SCARF2: variants seen among roughly 807,000 people sequenced by gnomAD.
SCARF2 encodes scavenger receptor class F member 2, also known as scavenger receptor expressed by endothelial cells 2 protein.
A neutral mutation model predicts 73.4 loss-of-function variants in SCARF2; 39 were observed. That is an observed-to-expected ratio of 0.53 (90% CI 0.41 to 0.69). The LOEUF is 0.69. Ranked by LOEUF, SCARF2 falls within the 30% of genes least tolerant of loss-of-function variation. The probability of loss-of-function intolerance (pLI) is 0.00; values close to 1 mark genes in which losing one functional copy is unlikely to be tolerated. For synonymous variants in SCARF2, 605 were observed against 590.0 expected (o/e 1.03, Z -0.37); for missense variants, 1,148 against 1,303.5 (o/e 0.88, Z 1.84).
intron 10 of SCARF2, among the ~76,000 whole-genome samples, chr22:20,426,810 C>T (rs938978150): frequency 6.6e-6 from 1 of 152,062 alleles, no homozygotes; most frequent in Non-Finnish European, 1.5e-5. Context: ...GCCTGTAATC[C>T]CAGCTACTCG....
At chr22:20,434,765 A>G (rs2052681813) in intron 1 of SCARF2, among the ~76,000 whole-genome samples, 1 of 152,176 alleles carries the variant, frequency 6.6e-6, no homozygotes, top group Non-Finnish European at 1.5e-5. Flanking sequence ...TAGTTCTGTG[A>G]TTCAAACCCA....
chr22:20,425,359 G>C lies in SCARF2; in HGVS notation c.*16C>G. The C allele has an allele frequency of 7.2e-7, 1 of 1,386,830 alleles. No homozygotes were observed. The highest frequency in any genetic ancestry group is 9.4e-7 in the Non-Finnish European group (1 of 1,064,610). 85.9% of individuals were successfully genotyped at this position (1,386,830 alleles called of 1,614,324 possible). On this transcript the variant is annotated 3_prime_UTR_variant, in exon 11 of 11. Coordinates refer to ENST00000622235, the MANE Select transcript of SCARF2 (RefSeq NM_182895.5). This position sits in a 1 kb window ranked among gnomAD's most constrained non-coding sequence, Gnocchi z 4.6. ...TGCGAAGCTGAGGGAGCTGCGCGCG[G>C]ACGAGCCACAGCCTGCTACAGGGTG...
In SCARF2 at chr22:20,430,477, T is replaced by C; in HGVS notation, c.1154A>G (p.Asp385Gly). Residue 385 changes from aspartate to glycine, a missense_variant, in exon 6 of 11, where the codon GAC (aspartate) becomes GGC (glycine). By Grantham distance (94) the Asp-to-Gly change is moderately conservative (BLOSUM62 -1). This residue lies in a region of SCARF2 where 372 missense variants were observed against 532.0 expected (regional missense o/e 0.70). Coordinates refer to ENST00000622235, the MANE Select transcript of SCARF2 (RefSeq NM_182895.5). The part of the protein sequence containing the change: ...VCADCGSGHC[D>G]FQSGRCLCSP... ...GCACAGGCAGCGCCCCGACTGGAAGTCGCAGTGTCCGCTGCCGCAGTCGGC... is the reference window on the plus strand; with the variant it reads ...GCACAGGCAGCGCCCCGACTGGAAGCCGCAGTGTCCGCTGCCGCAGTCGGC... The C allele has an allele frequency of 6.3e-7, 1 of 1,596,578 alleles. No homozygotes were observed. The highest frequency in any genetic ancestry group is 8.5e-7 in the Non-Finnish European group (1 of 1,172,596).
Position 20,427,380 on chromosome 22 carries a change from AG to A in SCARF2, c.1693+17del. ...ATTTCACTGGGCTGGAGTGATGCCC[AG>A]GTAGGGCCTTACTTACCCTCATGGG... On this transcript the variant is annotated intron_variant, in intron 10 of 10. Coordinates refer to ENST00000622235, the MANE Select transcript of SCARF2 (RefSeq NM_182895.5). 1.2e-6 allele frequency: 2 copies of A among 1,613,870 alleles called. No homozygotes were observed. The highest frequency in any genetic ancestry group is 1.7e-6 in the Non-Finnish European group (2 of 1,179,832).
In SCARF2 at chr22:20,425,436, G is replaced by T. The variant is rs2052561084; in HGVS notation, c.2540C>A (p.Pro847Gln). 7.0e-7 allele frequency: 1 copy of T among 1,427,314 alleles called. No individual in the cohort carries two copies. Among genetic ancestry groups the T allele is most frequent in the Non-Finnish European group, 9.2e-7 (1 of 1,088,452 alleles). 88.4% of individuals were successfully genotyped at this position (1,427,314 alleles called of 1,614,324 possible). ...CGCCGCCTCCCGGCTCTTCTTGCGC[G>T]GCGGCTTCTGGATGGGGGTCTTCTT... ...PRKKTPIQKP[P>Q]RKKSREAAGE... Residue 847 changes from proline (P) to glutamine (Q), a missense_variant, in exon 11 of 11, where the codon CCG (proline) becomes CAG (glutamine). Pro to Gln is a moderately conservative substitution (Grantham distance 76). Around this residue, in one of 5 missense-constraint regions of SCARF2, gnomAD observed 169 missense variants for 136.9 expected, o/e 1.23. Coordinates refer to ENST00000622235, the MANE Select transcript of SCARF2 (RefSeq NM_182895.5). The surrounding 1 kb of genome is among the most constrained non-coding windows in gnomAD (Gnocchi z 4.6).
intron 1 of SCARF2, 68 bp from the exon 2 acceptor site, chr22:20,432,056 CCGCAGCCTCCG>C: frequency 6.8e-7 from 1 of 1,474,056 alleles, no homozygotes; most frequent in Non-Finnish European, 9.3e-7. Flanking sequence ...CCGGGCTCCT[CCGCAGCCTCCG>C]CACAGCCTCC....
At chr22:20,430,352 G>A in intron 6 of SCARF2, 77 bp downstream of exon 6, 1 of 1,503,676 alleles carries the variant, frequency 6.7e-7, no homozygotes, top group Non-Finnish European at 9.0e-7. Context: ...TCAGGGTGGA[G>A]AGGCCACCTC....
rs536399554 is a variant in SCARF2, at chr22:20,428,347, G to T, written c.1541-797C>A. On this transcript the variant is annotated intron_variant, in intron 9 of 10. Transcript: ENST00000622235. The stretch of plus-strand genomic sequence containing the variant: ...TTGTTGCCCAGGCTGGAGTGCAATG[G>T]TGCGATCTCGGCTCACTGCAACCTC... Among the ~76,000 whole-genome samples the T allele has an allele frequency of 1.4e-4, 22 of 151,830 alleles. No homozygotes were observed. In the South Asian group the frequency reaches 4.4e-3, roughly 30 times the overall value.
rs1258074809 is a variant in SCARF2 at position 20,437,699 on chromosome 22, C to T, written c.56G>A (p.Gly19Glu). The T allele has an allele frequency of 2.1e-6, 3 of 1,455,802 alleles. No homozygotes were observed. Among genetic ancestry groups the T allele is most frequent in the African/African-American group, 1.5e-5 (1 of 67,450 alleles). The allele number at this position is 1,455,802 out of a possible 1,614,324, so 90.2% of individuals were successfully genotyped here. A position where few individuals can be genotyped will look rare whatever the true frequency, so the allele number is the denominator to read the frequency against. ...AGPARRRGAG[G>E]PPSPLLPSLL... Reference sequence around the variant, plus strand: ...CGACGGCAGCAGCGGTGACGGCGGCCCCCCGGCTCCCCGGCGCCGCGCCGG... The same window carrying T: ...CGACGGCAGCAGCGGTGACGGCGGCTCCCCGGCTCCCCGGCGCCGCGCCGG... Residue 19 changes from glycine to glutamate, a missense_variant, in exon 1 of 11, where the codon GGG (glycine) becomes GAG (glutamate). Gly to Glu is a moderately conservative substitution (Grantham distance 98). Coordinates refer to ENST00000622235, the MANE Select transcript of SCARF2 (RefSeq NM_182895.5).
chr22:20,426,080 C>A lies in SCARF2; in HGVS notation c.1896G>T (p.Arg632=). 1 of 1,527,720 alleles carries A rather than the reference C, an allele frequency of 6.5e-7. No individual in the cohort carries two copies. The highest frequency in any genetic ancestry group is 8.7e-7 in the Non-Finnish European group (1 of 1,147,756). 94.6% of individuals were successfully genotyped at this position (1,527,720 alleles called of 1,614,324 possible). The change falls in exon 11 of 11, where the codon CGG becomes CGT. Residue 632 remains arginine, a synonymous_variant. Transcript: ENST00000622235. Reference sequence around the variant, plus strand: ...CAATCTCGCCCCGGGCCCGGGCCGGCCGGGCCTCGCGTCGGGCCACGCGCG... The same window carrying A: ...CAATCTCGCCCCGGGCCCGGGCCGGACGGGCCTCGCGTCGGGCCACGCGCG... ...LYARVARREA[R]PARARGEIGG...
chr22:20,432,094 G>A (rs559237676), intron 1 of SCARF2, 106 bp from the exon 2 acceptor site: 29 of 1,168,902 alleles, frequency 2.5e-5, no homozygotes, highest in Non-Finnish European at 3.0e-5. Flanking sequence ...CTGCAGTTGC[G>A]CTCCTGTCCT....
In SCARF2 at chr22:20,430,845, C is replaced by A. The variant is rs1208745170; in HGVS notation, c.918G>T (p.Glu306Asp). ...TVAEGRCLTC[E>D]PGWNGTKCDQ... ...CGCACTTGGTTCCGTTCCAGCCGGGCTCGCACGTCAAGCAGCGGCCCTCGG... is the reference window on the plus strand; with the variant it reads ...CGCACTTGGTTCCGTTCCAGCCGGGATCGCACGTCAAGCAGCGGCCCTCGG... Residue 306 changes from glutamate (E) to aspartate (D), a missense_variant, in exon 5 of 11, where the codon GAG (glutamate) becomes GAT (aspartate). Physicochemically the swap from Glu to Asp is conservative, Grantham distance 45. This residue lies in a region of SCARF2 where 372 missense variants were observed against 532.0 expected (regional missense o/e 0.70). Coordinates refer to ENST00000622235, the MANE Select transcript of SCARF2 (RefSeq NM_182895.5). 1 of 1,607,078 alleles carries A rather than the reference C, an allele frequency of 6.2e-7. No homozygotes were observed. The highest frequency in any genetic ancestry group is 8.5e-7 in the Non-Finnish European group (1 of 1,178,120).
intron 1 of SCARF2, among the ~76,000 whole-genome samples, chr22:20,433,955 C>A (rs1558170): frequency 2.6e-5 from 4 of 152,208 alleles, no homozygotes; most frequent in Admixed American, 1.3e-4. Context: ...CACTAACCCC[C>A]TTCTGCCCTG....
intron 10 of SCARF2, among the ~76,000 whole-genome samples, chr22:20,427,025 C>T (rs114393280): frequency 5.4e-4 from 82 of 152,234 alleles, no homozygotes; most frequent in African/African-American, 1.9e-3. Context: ...GGGCAGAATC[C>T]CAGACCATCA....
chr22:20,432,409 T>C (rs1336490211), intron 1 of SCARF2, among the ~76,000 whole-genome samples: 3 of 151,962 alleles, frequency 2.0e-5, no homozygotes, highest in Admixed American at 1.3e-4. Context: ...CCAGATGTCA[T>C]GTGATGTGAC....
intron 9 of SCARF2, among the ~76,000 whole-genome samples, chr22:20,428,271 TCTC>T (rs1248134784): frequency 7.2e-5 from 10 of 138,882 alleles, no homozygotes; most frequent in Admixed American, 6.6e-4. Flanking sequence ...TCTCTTCTCT[TCTC>T]CTCTCCTCTC....
chr22:20,430,066 C>T, intron 6 of SCARF2: 1 of 616,418 alleles, frequency 1.6e-6, no homozygotes, highest in Non-Finnish European at 2.8e-6. Flanking sequence ...GGGGATAGGA[C>T]CCGTGGTGGC....
chr22:20,431,628 C>G (rs1310271270), intron 3 of SCARF2, 91 bp from the exon 4 acceptor site: 2 of 1,541,422 alleles, frequency 1.3e-6, no homozygotes, highest in African/African-American at 2.7e-5. Context: ...CGCACTCCAG[C>G]CGCCACCTCT....
Position 20,431,046 on chromosome 22 carries a change from C to A in SCARF2, c.826G>T (p.Gly276Cys). 6.4e-7 allele frequency: 1 copy of A among 1,564,922 alleles called. No homozygotes were observed. The highest frequency in any genetic ancestry group is 2.3e-5 in the East Asian group (1 of 42,606). ...GKYCREPCPA[G>C]FYGLGCRRRC... Reference sequence around the variant, plus strand: ...CGGCGACAGCCCAAGCCGTAGAAGCCGGCGGGGCACGGCTCGCGACAGTAC... The same window carrying A: ...CGGCGACAGCCCAAGCCGTAGAAGCAGGCGGGGCACGGCTCGCGACAGTAC... Residue 276 changes from glycine (G) to cysteine (C), a missense_variant, in exon 4 of 11, where the codon GGC becomes TGC. By Grantham distance (159) the Gly-to-Cys change is radical (BLOSUM62 -3). Transcript: ENST00000622235.
Sources: gnomAD v4.1 joint callset for allele counts (sites outside exome capture counted in the v4.1 genomes callset) on GRCh38, gnomAD v4.1.1 for gene constraint, gnomAD v4.1.1 regional missense constraint, Gnocchi (gnomAD v3.1) non-coding constraint, MANE v1.5 for transcripts, NCBI Gene and HGNC (gene_info 2026-07-23, HGNC 2026-07-21) for gene names.